CTNNBL1: variants seen among roughly 807,000 people sequenced by gnomAD.
CTNNBL1 encodes the protein beta-catenin-like protein 1.
In CTNNBL1, 31 loss-of-function variants were observed where a neutral mutation model predicts 72.7. The ratio of observed to expected loss-of-function variants is 0.43; its 90% CI spans 0.32 to 0.58. CTNNBL1 has a LOEUF of 0.58. CTNNBL1 is among the 20% of genes least tolerant of loss of function. The pLI, the probability that CTNNBL1 is intolerant of heterozygous loss-of-function variation, is 0.08. For synonymous variants in CTNNBL1, 240 were observed against 267.3 expected, an observed-to-expected ratio of 0.90 and a Z score of 1.00; for missense variants, 534 against 725.1, an observed-to-expected ratio of 0.74 and a Z score of 3.03.
intron 1 of CTNNBL1, among the ~76,000 whole-genome samples, chr20:37,730,630 A>G (rs1045534100): frequency 1.2e-4 from 18 of 152,164 alleles, no homozygotes; most frequent in African/African-American, 4.3e-4. Flanking sequence ...GCTCTGTTTT[A>G]TTCTAATTTA....
chr20:37,696,169 T>C (rs913576919), intron 1 of CTNNBL1, among the ~76,000 whole-genome samples: 1 of 152,204 alleles, frequency 6.6e-6, no homozygotes, highest in Admixed American at 6.5e-5. Context: ...TATACAACAC[T>C]GAATAAAAGA....
intron 11 of CTNNBL1, among the ~76,000 whole-genome samples, chr20:37,812,076 A>G (rs2072016595): frequency 6.6e-6 from 1 of 152,208 alleles, no homozygotes; most frequent in Non-Finnish European, 1.5e-5. Context: ...GATAGGCCTG[A>G]TTTCAAACCC....
intron 5 of CTNNBL1, among the ~76,000 whole-genome samples, chr20:37,764,645 T>G (rs954368669): frequency 6.6e-6 from 1 of 152,252 alleles, no homozygotes; most frequent in Non-Finnish European, 1.5e-5. Context: ...ATTGTGTTGA[T>G]TATTCCTTTT....
chr20:37,838,427 A>G (rs1345361254), intron 11 of CTNNBL1, among the ~76,000 whole-genome samples: 1 of 152,188 alleles, frequency 6.6e-6, no homozygotes, highest in Non-Finnish European at 1.5e-5. Flanking sequence ...ATTTGAAGGT[A>G]AAGCTGATGA....
intron 5 of CTNNBL1, among the ~76,000 whole-genome samples, chr20:37,760,461 G>A (rs552402948): frequency 1.3e-5 from 2 of 152,288 alleles, no homozygotes; most frequent in African/African-American, 4.8e-5. Flanking sequence ...AGCAGGATGT[G>A]TTGTTCTAGC....
chr20:37,865,473 T>C (rs2072529115), intron 15 of CTNNBL1, among the ~76,000 whole-genome samples: 1 of 152,158 alleles, frequency 6.6e-6, no homozygotes, highest in African/African-American at 2.4e-5. Context: ...CCACAGGCCT[T>C]TTTTTCATCT....
In CTNNBL1 at chr20:37,722,755, T is replaced by G. The variant is rs191947867; in HGVS notation, c.31-10124T>G. ...CAAGGTCATGTGGCTCTTAAGTGAT[T>G]TACCACTAGAACCCAGATTTTTCTG... On this transcript the variant is annotated intron_variant, in intron 1 of 15. Transcript: ENST00000361383. 1.1e-4 allele frequency among the ~76,000 whole-genome samples: 17 copies of G among 152,332 alleles called. No individual in the cohort carries two copies. The East Asian group carries it at 3.3e-3, about 29-fold the overall frequency.
At chr20:37,838,062 G>A (rs148410086) in intron 11 of CTNNBL1, among the ~76,000 whole-genome samples, 61 of 152,332 alleles carry the variant, frequency 4.0e-4, no homozygotes, top group African/African-American at 1.1e-3. Context: ...GGATGACAGT[G>A]GAGTAAAACC....
chr20:37,747,416 C>G (rs1000199828), intron 4 of CTNNBL1, among the ~76,000 whole-genome samples: 2 of 142,590 alleles, frequency 1.4e-5, no homozygotes, highest in Admixed American at 1.4e-4. Flanking sequence ...ACTGAGTACA[C>G]AGTAAATAGC....
chr20:37,738,510 CCT>C (rs57111731), intron 3 of CTNNBL1, among the ~76,000 whole-genome samples: 5,406 of 152,238 alleles, frequency 0.036, 318 homozygotes, highest in African/African-American at 0.12. Flanking sequence ...ATGTTCTAAA[CCT>C]CTCTTTCTTT....
At chr20:37,866,326 G>A (rs1343417219) in intron 15 of CTNNBL1, among the ~76,000 whole-genome samples, 3 of 152,214 alleles carry the variant, frequency 2.0e-5, no homozygotes, top group African/African-American at 7.2e-5. Context: ...GGGTCGGGGG[G>A]AACCACTCTT....
intron 10 of CTNNBL1, among the ~76,000 whole-genome samples, chr20:37,785,995 T>C (rs2073670198): frequency 6.6e-6 from 1 of 152,260 alleles, no homozygotes; most frequent in African/African-American, 2.4e-5. Context: ...ACTCTGGCTC[T>C]TGTAGACTTG....
chr20:37,757,991 A>G (rs963034965), intron 5 of CTNNBL1, among the ~76,000 whole-genome samples: 6 of 152,176 alleles, frequency 3.9e-5, no homozygotes, highest in African/African-American at 1.4e-4. Flanking sequence ...CAAATGGCCC[A>G]TGGTCACACA....
At chr20:37,845,568 G>A (rs996173655) in intron 13 of CTNNBL1, among the ~76,000 whole-genome samples, 2 of 152,190 alleles carry the variant, frequency 1.3e-5, no homozygotes, top group African/African-American at 2.4e-5. Context: ...TGAGGGATGC[G>A]TTTGTGAGCA....
intron 1 of CTNNBL1, among the ~76,000 whole-genome samples, chr20:37,712,692 C>T (rs543027448): frequency 3.9e-5 from 6 of 152,360 alleles, no homozygotes; most frequent in African/African-American, 1.4e-4. Context: ...CCTGCCTCTG[C>T]TGTCTCTGCT....
chr20:37,713,556 C>G (rs1019318712), intron 1 of CTNNBL1, among the ~76,000 whole-genome samples: 1 of 152,180 alleles, frequency 6.6e-6, no homozygotes, highest in Non-Finnish European at 1.5e-5. Flanking sequence ...CTGAGCATAG[C>G]TTTTCTCAGG....
chr20:37,830,612 T>C (rs2072199932), intron 11 of CTNNBL1, among the ~76,000 whole-genome samples: 1 of 152,184 alleles, frequency 6.6e-6, no homozygotes, highest in South Asian at 2.1e-4. Context: ...GACTTGTTAA[T>C]ATACATAGGA....
chr20:37,823,273 AAG>A (rs966514100), intron 11 of CTNNBL1, among the ~76,000 whole-genome samples: 3 of 152,240 alleles, frequency 2.0e-5, no homozygotes, highest in Non-Finnish European at 4.4e-5. Context: ...CTAGAAAAGA[AAG>A]AGCTATGTCA....
chr20:37,746,814 C>A (rs567640741), intron 4 of CTNNBL1, among the ~76,000 whole-genome samples: 1 of 152,344 alleles, frequency 6.6e-6, no homozygotes, highest in East Asian at 1.9e-4. Context: ...AAATCTTGGG[C>A]AATCCTTAAA....
Sources: gnomAD v4.1 joint callset for allele counts (sites outside exome capture counted in the v4.1 genomes callset) on GRCh38, gnomAD v4.1.1 for gene constraint, MANE v1.5 for transcripts, NCBI Gene and HGNC (gene_info 2026-07-23, HGNC 2026-07-21) for gene names.